Variants in XPO4 observed in about 807,000 individuals in gnomAD.
The protein encoded by XPO4 is exportin 4, also known as exportin-4.
XPO4 carries 39 observed loss-of-function variants against 143.0 expected under a neutral mutation model. That is an observed-to-expected ratio of 0.27 (90% confidence interval 0.21 to 0.36). The LOEUF (loss-of-function observed/expected upper bound fraction) is 0.36. Ranked by LOEUF, XPO4 falls within the 10% of genes least tolerant of loss-of-function variation. The pLI is 1.00. For missense variants in XPO4, 907 were observed against 1,348.0 expected (o/e 0.67, Z 5.12); for synonymous variants, 439 against 474.0 (o/e 0.93, Z 0.96).
At chr13:20,808,314 T>C in intron 12 of XPO4, 122 bp downstream of exon 12, 1 of 1,048,928 alleles carries the variant, frequency 9.5e-7, no homozygotes, top group Non-Finnish European at 1.3e-6. Flanking sequence ...TGACAGAAAA[T>C]GGCTGTATCC....
intron 7 of XPO4, among the ~76,000 whole-genome samples, chr13:20,822,918 G>A (rs987273640): frequency 2.6e-5 from 4 of 152,140 alleles, no homozygotes; most frequent in African/African-American, 7.2e-5. Flanking sequence ...TCCATTTAAA[G>A]CTAACCTATA....
At chr13:20,875,959 A>T (rs1056830182) in intron 1 of XPO4, among the ~76,000 whole-genome samples, 4 of 152,036 alleles carry the variant, frequency 2.6e-5, no homozygotes, top group Admixed American at 1.3e-4. Context: ...AATTAATTTA[A>T]AAAAAAGAGG....
At chr13:20,899,587 A>G (rs143110638) in intron 1 of XPO4, among the ~76,000 whole-genome samples, 34 of 152,296 alleles carry the variant, frequency 2.2e-4, no homozygotes, top group African/African-American at 7.5e-4. Context: ...AAAAATGTAC[A>G]TTTACACCAA....
intron 7 of XPO4, among the ~76,000 whole-genome samples, chr13:20,825,694 C>T (rs1030568707): frequency 1.4e-4 from 22 of 152,134 alleles, no homozygotes; most frequent in Non-Finnish European, 2.9e-4. Context: ...AATACAAAGA[C>T]TTGGACTTGG....
intron 1 of XPO4, among the ~76,000 whole-genome samples, chr13:20,874,224 C>T (rs1012569266): frequency 3.3e-5 from 5 of 152,006 alleles, no homozygotes; most frequent in South Asian, 2.1e-4. Context: ...TTAAAAAACA[C>T]GAAAATGTGA....
At chr13:20,808,982 C>A in intron 11 of XPO4, 101 bp downstream of exon 11, 2 of 1,312,114 alleles carry the variant, frequency 1.5e-6, no homozygotes, top group Admixed American at 2.3e-5. Flanking sequence ...TGCTGGGACA[C>A]GGGGTGGGGG....
In XPO4 at chr13:20,800,307, T is replaced by C; in HGVS notation, c.1996A>G (p.Thr666Ala). 1 of 1,613,780 alleles carries C rather than the reference T, an allele frequency of 6.2e-7. No homozygotes were observed. Among genetic ancestry groups the C allele is most frequent in the Non-Finnish European group, 8.5e-7 (1 of 1,179,876 alleles). Residue 666 changes from threonine to alanine, a missense_variant, in exon 15 of 23, where the codon ACA (threonine) becomes GCA (alanine). Physicochemically the swap from Thr to Ala is moderately conservative, Grantham distance 58. Coordinates refer to ENST00000255305, the MANE Select transcript of XPO4 (RefSeq NM_022459.5). ...CCCTCTGTATCTGCTCCGAACGCTG[T>C]ACTGAATGGCAGACTTATCTTAAGA... ...LYDQISLPFS[T>A]AFGADTEGSQ...
In XPO4 at chr13:20,809,828, T is replaced by C. The variant is rs757820570; in HGVS notation, c.1313A>G (p.Gln438Arg). 1 of 1,613,140 alleles carries C rather than the reference T, an allele frequency of 6.2e-7. No individual in the cohort carries two copies. The highest frequency in any genetic ancestry group is 1.1e-5 in the South Asian group (1 of 90,902). The part of the protein sequence containing the change: ...HAVQVFNSYI[Q>R]CHLAAPDGTR... ...GCCATCTGGAGCAGCTAGGTGGCAC[T>C]GAATATAGGAATTGAAAACTTGAAC... is the stretch of plus-strand genomic sequence containing the variant. The change falls in exon 10 of 23, where the codon CAG (glutamine) becomes CGG (arginine). Residue 438 changes from glutamine (Q) to arginine (R), a missense_variant. Physicochemically the swap from Gln to Arg is conservative, Grantham distance 43. Transcript: ENST00000255305.
chr13:20,878,134 T>C (rs1344520961), intron 1 of XPO4, among the ~76,000 whole-genome samples: 1 of 152,100 alleles, frequency 6.6e-6, no homozygotes, highest in Non-Finnish European at 1.5e-5. Flanking sequence ...GATTGCATCA[T>C]GGCACTCCAG....
intron 1 of XPO4, among the ~76,000 whole-genome samples, chr13:20,891,690 C>T (rs1026193973): frequency 1.3e-5 from 2 of 151,890 alleles, no homozygotes; most frequent in Non-Finnish European, 2.9e-5. Flanking sequence ...TAGTGAAACC[C>T]TGTCTCTACT....
chr13:20,815,661 T>C (rs996271405), intron 9 of XPO4, among the ~76,000 whole-genome samples: 14 of 152,222 alleles, frequency 9.2e-5, no homozygotes, highest in African/African-American at 3.4e-4. Context: ...TATCTTCATA[T>C]GTAAACATAA....
chr13:20,887,321 G>A (rs9509417), intron 1 of XPO4, among the ~76,000 whole-genome samples: 55,875 of 151,946 alleles, frequency 0.37, 11,685 homozygotes, highest in Non-Finnish European at 0.48. Context: ...TTCACATAAG[G>A]GAGGTGATGG....
intron 9 of XPO4, among the ~76,000 whole-genome samples, chr13:20,811,536 C>A (rs2059582155): frequency 6.6e-6 from 1 of 152,120 alleles, no homozygotes; most frequent in African/African-American, 2.4e-5. Context: ...GATCCTCCTG[C>A]CTCAGTCTCC....
chr13:20,840,843 A>G (rs925941051), intron 6 of XPO4, among the ~76,000 whole-genome samples: 5 of 152,240 alleles, frequency 3.3e-5, no homozygotes, highest in African/African-American at 1.2e-4. Context: ...ACAAGAACTC[A>G]CTCATAAGCC....
Position 20,780,703 on chromosome 13 carries a change from A to G in XPO4, c.*3019T>C, listed in dbSNP as rs746541425. ...GTTTACATTAAAAGTCATACTTTAC[A>G]CCAGACAAAAACTCAATGCAGTGAT... On this transcript the variant is annotated 3_prime_UTR_variant, in exon 23 of 23. Coordinates refer to ENST00000255305, the MANE Select transcript of XPO4 (RefSeq NM_022459.5). 7.9e-5 allele frequency: 12 copies of G among 152,230 alleles called. No individual in the cohort carries two copies. The highest frequency in any genetic ancestry group is 1.5e-4 in the Non-Finnish European group (10 of 68,044). The allele number at this position is 152,230 out of a possible 1,614,324, so 9.4% of individuals were successfully genotyped here.
chr13:20,843,298 T>G (rs929206725), intron 5 of XPO4, among the ~76,000 whole-genome samples: 24 of 152,228 alleles, frequency 1.6e-4, no homozygotes, highest in Admixed American at 1.0e-3. Context: ...TGACAACTAC[T>G]GCGGAGCCAG....
At chr13:20,785,305 T>C (rs555816024) in intron 22 of XPO4, among the ~76,000 whole-genome samples, 2 of 152,158 alleles carry the variant, frequency 1.3e-5, no homozygotes, top group African/African-American at 4.8e-5. Context: ...GCTCCCCTAA[T>C]TGCCTTATCA....
At chr13:20,901,273 G>A (rs2060618039) in intron 1 of XPO4, among the ~76,000 whole-genome samples, 1 of 152,168 alleles carries the variant, frequency 6.6e-6, no homozygotes, top group Admixed American at 6.5e-5. Flanking sequence ...AGGGAAGAGG[G>A]AAGATATTGG....
At chr13:20,874,630 T>C (rs976411018) in intron 1 of XPO4, among the ~76,000 whole-genome samples, 2 of 152,184 alleles carry the variant, frequency 1.3e-5, no homozygotes, top group Non-Finnish European at 2.9e-5. Flanking sequence ...ATAACACGGC[T>C]AGAAGGCCCT....
Sources: allele counts gnomAD v4.1 joint callset (sites outside exome capture counted in the v4.1 genomes callset), GRCh38; gene constraint gnomAD v4.1.1; transcripts MANE v1.5; gene names NCBI Gene and HGNC (gene_info 2026-07-23, HGNC 2026-07-21).